Variants in PCDHGB3 observed in about 807,000 individuals in gnomAD.
PCDHGB3 encodes the protein protocadherin gamma-B3.
In PCDHGB3, 40 loss-of-function variants were observed where a neutral mutation model predicts 59.2. The observed-to-expected ratio is 0.68, with a 90% CI of 0.52 to 0.88. The LOEUF (loss-of-function observed/expected upper bound fraction) is 0.88, where lower values mean the gene tolerates loss of function less well. PCDHGB3 is among the 40% of genes least tolerant of loss of function. The pLI, the probability that PCDHGB3 is intolerant of heterozygous loss-of-function variation, is 0.00. For missense variants in PCDHGB3, 1,309 were observed against 1,187.9 expected (o/e 1.10, Z -1.50); for synonymous variants, 581 against 503.6 (o/e 1.15, Z -2.06).
At chr5:141,465,323 G>A (rs757662972) in intron 1 of PCDHGB3, among the ~76,000 whole-genome samples, 1 of 152,138 alleles carries the variant, frequency 6.6e-6, no homozygotes, top group Non-Finnish European at 1.5e-5. Flanking sequence ...TGTCAATGCA[G>A]TATTTTTTAT....
chr5:141,491,826 C>G lies in PCDHGB3; in HGVS notation c.2416-2981C>G. ...GGCTTGGTCGCTGGCTGCGCTCCAC[C>G]CGATTCTCGGGATCATTGGACCGTT... On this transcript the variant is annotated intron_variant, in intron 1 of 3. Coordinates refer to ENST00000576222, the MANE Select transcript of PCDHGB3 (RefSeq NM_018924.5). The surrounding 1 kb of genome is among the most constrained non-coding windows in gnomAD (Gnocchi z 6.9). 1 of 1,477,526 alleles carries G rather than the reference C, an allele frequency of 6.8e-7. No individual in the cohort carries two copies. The highest frequency in any genetic ancestry group is 9.0e-7 in the Non-Finnish European group (1 of 1,114,486). 91.5% of individuals were successfully genotyped at this position (1,477,526 alleles called of 1,614,324 possible). A position where few individuals can be genotyped will look rare whatever the true frequency, so the allele number is the denominator to read the frequency against.
chr5:141,508,599 G>T lies in PCDHGB3; in HGVS notation c.2564-2348G>T, dbSNP rs948748985. On this transcript the variant is annotated intron_variant, in intron 3 of 3. Coordinates refer to ENST00000576222, the MANE Select transcript of PCDHGB3 (RefSeq NM_018924.5). ...CTCGGGGTGCTACTCAGAGATCTTGGGTGCACATAGGACGTGGGTGGGCCG... is the reference window on the plus strand; with the variant it reads ...CTCGGGGTGCTACTCAGAGATCTTGTGTGCACATAGGACGTGGGTGGGCCG... Among the ~76,000 whole-genome samples the T allele has an allele frequency of 3.9e-5, 6 of 152,212 alleles. No individual in the cohort carries two copies. The South Asian group carries it at 1.2e-3, about 32-fold the overall frequency.
intron 1 of PCDHGB3, among the ~76,000 whole-genome samples, chr5:141,482,765 T>C (rs2099572013): frequency 7.9e-6 from 1 of 127,068 alleles, no homozygotes; most frequent in African/African-American, 3.6e-5. Flanking sequence ...TATTTCATTA[T>C]CACTGAACCT....
intron 1 of PCDHGB3, chr5:141,415,649 A>T: frequency 1.9e-6 from 3 of 1,597,710 alleles, no homozygotes; most frequent in Non-Finnish European, 2.6e-6. Context: ...GTTAAAAAAA[A>T]AAAGATTGGT....
intron 1 of PCDHGB3, among the ~76,000 whole-genome samples, chr5:141,492,854 G>A (rs1361942466): frequency 6.6e-6 from 1 of 152,212 alleles, no homozygotes; most frequent in Non-Finnish European, 1.5e-5. Flanking sequence ...AAAGCCTCGA[G>A]CGCCCTGGCT....
chr5:141,450,085 C>T (rs997781052), intron 1 of PCDHGB3, among the ~76,000 whole-genome samples: 3 of 149,208 alleles, frequency 2.0e-5, no homozygotes, highest in Non-Finnish European at 4.4e-5. Context: ...TGGCTCACTG[C>T]AACCTCCGCC....
In PCDHGB3 at chr5:141,372,754, G is replaced by A. The variant is rs201408759; in HGVS notation, c.2360G>A (p.Trp787Ter). 5.6e-4 allele frequency: 907 copies of A among 1,612,900 alleles called. No individual in the cohort carries two copies. Among genetic ancestry groups the A allele is most frequent in the Non-Finnish European group, 7.2e-4 (844 of 1,179,300 alleles). ...PQDLLCDEAS[W>*]FESNDNPEMP... ...GATCTTCTATGTGATGAAGCCTCTT[G>A]GTTTGAAAGTAATGACAATCCAGAA... Residue 787 changes from tryptophan (W) to a stop codon, truncating the protein, a stop_gained, in exon 1 of 4, where the codon TGG (tryptophan) becomes TAG (stop). Coordinates refer to ENST00000576222, the MANE Select transcript of PCDHGB3 (RefSeq NM_018924.5). LOFTEE classifies it high-confidence loss of function.
intron 1 of PCDHGB3, chr5:141,383,945 T>G: frequency 6.2e-7 from 1 of 1,613,858 alleles, no homozygotes. Context: ...GAAGTGACTA[T>G]GACGTCTTTA....
intron 1 of PCDHGB3, among the ~76,000 whole-genome samples, chr5:141,463,224 G>C (rs1039535501): frequency 6.6e-6 from 1 of 151,958 alleles, no homozygotes; most frequent in Non-Finnish European, 1.5e-5. Context: ...AATATTCCTG[G>C]AGTTCTTTGT....
chr5:141,375,784 C>A (rs562973702), intron 1 of PCDHGB3: 7 of 1,614,254 alleles, frequency 4.3e-6, no homozygotes, highest in Non-Finnish European at 5.1e-6. Flanking sequence ...ACCCCGCCCT[C>A]CCCACAGACG....
chr5:141,487,069 T>C lies in PCDHGB3; in HGVS notation c.2416-7738T>C, dbSNP rs750739955. 26 of 1,614,160 alleles carry C rather than the reference T, an allele frequency of 1.6e-5. No homozygotes were observed. Among genetic ancestry groups the C allele is most frequent in the Non-Finnish European group, 2.0e-5 (24 of 1,180,002 alleles). On this transcript the variant is annotated intron_variant, in intron 1 of 3. Transcript: ENST00000576222. This position sits in a 1 kb window ranked among gnomAD's most constrained non-coding sequence, Gnocchi z 5.0. The stretch of plus-strand genomic sequence containing the variant: ...ATGCTGGGGAGGTGCGGACGGCTGT[T>C]CCTATCCCAGCTGACCTCCCACCAC...
At chr5:141,408,667 C>G in intron 1 of PCDHGB3, 1 of 1,613,954 alleles carries the variant, frequency 6.2e-7, no homozygotes, top group Non-Finnish European at 8.5e-7. Context: ...TATCGCTTGA[C>G]CCTGCCACGG....
chr5:141,377,666 T>C (rs1416026384), intron 1 of PCDHGB3: 1 of 152,116 alleles, frequency 6.6e-6, no homozygotes, highest in Admixed American at 6.5e-5. Context: ...ACGACAGACG[T>C]TCATACAAGA....
intron 1 of PCDHGB3, chr5:141,412,214 A>G (rs1196919276): frequency 6.6e-6 from 1 of 152,196 alleles, no homozygotes; most frequent in African/African-American, 2.4e-5. Context: ...TGACATAAAC[A>G]CTTACTTGTT....
At chr5:141,403,559 G>C (rs1281537625) in intron 1 of PCDHGB3, 1 of 1,613,974 alleles carries the variant, frequency 6.2e-7, no homozygotes. Flanking sequence ...CCTGGACAGG[G>C]AGGAGGCAAC....
chr5:141,427,991 C>T (rs748924488), intron 1 of PCDHGB3: 1 of 1,599,024 alleles, frequency 6.3e-7, no homozygotes, highest in Non-Finnish European at 8.6e-7. Context: ...GGCCCGATGG[C>T]TCCGCACTCT....
intron 1 of PCDHGB3, chr5:141,385,324 G>A (rs1781124607): frequency 1.2e-6 from 2 of 1,607,160 alleles, no homozygotes; most frequent in Non-Finnish European, 1.7e-6. Flanking sequence ...AAGTATTCAG[G>A]TGAGCCCAGC....
intron 1 of PCDHGB3, chr5:141,404,478 CAG>C (rs749664270): frequency 1.9e-6 from 3 of 1,613,412 alleles, no homozygotes; most frequent in Non-Finnish European, 2.5e-6. Context: ...TCTATTAACT[CAG>C]ACACTGGTGT....
At chr5:141,412,282 C>A (rs1017660848) in intron 1 of PCDHGB3, 1 of 152,186 alleles carries the variant, frequency 6.6e-6, no homozygotes, top group African/African-American at 2.4e-5. Flanking sequence ...ACTTCAAATT[C>A]TACGTATTTC....
Sources: gnomAD v4.1 joint callset for allele counts (sites outside exome capture counted in the v4.1 genomes callset) on GRCh38, gnomAD v4.1.1 for gene constraint, Gnocchi (gnomAD v3.1) non-coding constraint, MANE v1.5 for transcripts, NCBI Gene and HGNC (gene_info 2026-07-23, HGNC 2026-07-21) for gene names.